MGAT4C: variants seen among roughly 807,000 people sequenced by gnomAD.
MGAT4C encodes the protein alpha-1,3-mannosyl-glycoprotein 4-beta-N-acetylglucosaminyltransferase C.
MGAT4C carries 19 observed loss-of-function variants against 40.1 expected under a neutral mutation model. The ratio of observed to expected loss-of-function variants is 0.47; its 90% confidence interval spans 0.33 to 0.70. The LOEUF is 0.70. MGAT4C is among the 30% of genes least tolerant of loss of function. MGAT4C has a pLI of 0.02. For synonymous variants in MGAT4C, 181 were observed against 187.1 expected (o/e 0.97, Z 0.27); for missense variants, 491 against 563.2 (o/e 0.87, Z 1.30).
intron 3 of MGAT4C, among the ~76,000 whole-genome samples, chr12:86,379,140 TG>T (rs1407119025): frequency 1.3e-5 from 2 of 152,118 alleles, no homozygotes; most frequent in Non-Finnish European, 2.9e-5. Context: ...TTTAAAATAT[TG>T]GTAATACTCA....
chr12:86,136,305 C>A (rs1269374010), intron 1 of MGAT4C, among the ~76,000 whole-genome samples: 1 of 152,042 alleles, frequency 6.6e-6, no homozygotes, highest in Non-Finnish European at 1.5e-5. Flanking sequence ...AGCTCACATT[C>A]TACTGGAAAT....
At chr12:86,321,000 T>A (rs2136161831) in intron 4 of MGAT4C, among the ~76,000 whole-genome samples, 1 of 152,240 alleles carries the variant, frequency 6.6e-6, no homozygotes, top group South Asian at 2.1e-4. Flanking sequence ...ATCAAAAATG[T>A]ACCCTAAAAA....
intron 2 of MGAT4C, among the ~76,000 whole-genome samples, chr12:86,024,118 CT>C (rs1467574971): frequency 6.6e-6 from 1 of 151,200 alleles, no homozygotes; most frequent in Non-Finnish European, 1.5e-5. Flanking sequence ...TTCTTTATAC[CT>C]TTCTATATTT....
intron 2 of MGAT4C, among the ~76,000 whole-genome samples, chr12:86,697,935 CTTCA>C (rs997093403): frequency 1.3e-5 from 2 of 152,020 alleles, no homozygotes; most frequent in Admixed American, 6.6e-5. Context: ...AATAGATCTG[CTTCA>C]TTCTTTTTAA....
At chr12:86,438,872 A>T (rs902717720) in intron 2 of MGAT4C, among the ~76,000 whole-genome samples, 3 of 151,924 alleles carry the variant, frequency 2.0e-5, no homozygotes, top group Admixed American at 6.6e-5. Context: ...AGTAAAAAAA[A>T]TAAAAAGACA....
At chr12:86,778,611 G>T (rs1951782298) in intron 1 of MGAT4C, among the ~76,000 whole-genome samples, 1 of 152,162 alleles carries the variant, frequency 6.6e-6, no homozygotes, top group African/African-American at 2.4e-5. Flanking sequence ...AGCCTTATGT[G>T]ATTTGACTCA....
At chr12:86,024,844 T>C (rs1310688840) in intron 2 of MGAT4C, among the ~76,000 whole-genome samples, 1 of 151,786 alleles carries the variant, frequency 6.6e-6, no homozygotes, top group African/African-American at 2.4e-5. Flanking sequence ...TAAAAATGCA[T>C]TTTAAAGTGT....
At chr12:86,724,488 A>G (rs1249933149) in intron 2 of MGAT4C, among the ~76,000 whole-genome samples, 5 of 152,124 alleles carry the variant, frequency 3.3e-5, no homozygotes, top group Admixed American at 3.3e-4. Flanking sequence ...CTGGCCTACC[A>G]TATTATATGG....
chr12:86,369,675 C>G lies in MGAT4C; in HGVS notation c.-119-35548G>C, dbSNP rs1955680113. 2.0e-5 allele frequency among the ~76,000 whole-genome samples: 3 copies of G among 152,028 alleles called. No individual in the cohort carries two copies. The South Asian group carries it at 6.2e-4, about 32-fold the overall frequency. On this transcript the variant is annotated intron_variant, in intron 3 of 7. Coordinates refer to the MGAT4C transcript ENST00000548651. ...TTTTTTTAATTGTGCAGCCATTAATCATTTTTATGGTTATTGTTATTATCC... is the reference window on the plus strand; with the variant it reads ...TTTTTTTAATTGTGCAGCCATTAATGATTTTTATGGTTATTGTTATTATCC...
chr12:86,627,516 T>C (rs1464654670), intron 2 of MGAT4C, among the ~76,000 whole-genome samples: 2 of 152,164 alleles, frequency 1.3e-5, no homozygotes, highest in African/African-American at 4.8e-5. Context: ...AGATGAAGCA[T>C]CCAGAGGAAG....
intron 1 of MGAT4C, among the ~76,000 whole-genome samples, chr12:86,201,019 C>T (rs1200525046): frequency 2.0e-5 from 3 of 152,264 alleles, no homozygotes; most frequent in East Asian, 3.9e-4. Flanking sequence ...TGACTTCTAA[C>T]CTCCAGAACT....
chr12:86,426,623 G>A (rs186537667), intron 3 of MGAT4C, among the ~76,000 whole-genome samples: 4 of 152,104 alleles, frequency 2.6e-5, no homozygotes, highest in African/African-American at 9.7e-5. Context: ...TCCATTCAGT[G>A]CTATATAAAG....
intron 1 of MGAT4C, among the ~76,000 whole-genome samples, chr12:86,056,820 C>T (rs1273263569): frequency 6.6e-6 from 1 of 152,100 alleles, no homozygotes; most frequent in African/African-American, 2.4e-5. Flanking sequence ...CTGTCTTCCA[C>T]AATGGTTGAA....
At chr12:86,721,754 T>C (rs1950740703) in intron 2 of MGAT4C, among the ~76,000 whole-genome samples, 2 of 152,122 alleles carry the variant, frequency 1.3e-5, no homozygotes, top group African/African-American at 2.4e-5. Context: ...TTATATAACG[T>C]AAGATTGAAC....
chr12:86,313,798 C>A (rs963917680), intron 4 of MGAT4C, among the ~76,000 whole-genome samples: 3 of 152,148 alleles, frequency 2.0e-5, no homozygotes, highest in African/African-American at 7.2e-5. Context: ...GTATTAAATA[C>A]CGAAAGCTTA....
intron 2 of MGAT4C, among the ~76,000 whole-genome samples, chr12:86,578,673 T>C (rs1018318619): frequency 6.6e-6 from 1 of 151,850 alleles, no homozygotes; most frequent in South Asian, 2.1e-4. Flanking sequence ...TAGCCACTAA[T>C]GATACTTTGA....
intron 1 of MGAT4C, among the ~76,000 whole-genome samples, chr12:86,795,366 T>A (rs1290009415): frequency 6.6e-6 from 1 of 151,994 alleles, no homozygotes; most frequent in Admixed American, 6.6e-5. Context: ...TAGCTCTCAA[T>A]GACTTTCCAG....
intron 3 of MGAT4C, among the ~76,000 whole-genome samples, chr12:86,344,631 A>G (rs1954978709): frequency 6.6e-6 from 1 of 151,924 alleles, no homozygotes; most frequent in Admixed American, 6.6e-5. Context: ...GTGTTTAAAG[A>G]TTTGTAAGAT....
chr12:86,792,459 T>C (rs111945770), intron 1 of MGAT4C, among the ~76,000 whole-genome samples: 3,721 of 152,146 alleles, frequency 0.024, 65 homozygotes, highest in African/African-American at 0.056. Context: ...AAGAGAAAAT[T>C]TCCTGGTATA....
Sources: allele counts gnomAD v4.1 joint callset (sites outside exome capture counted in the v4.1 genomes callset), GRCh38; gene constraint gnomAD v4.1.1; transcripts MANE v1.5; gene names NCBI Gene and HGNC (gene_info 2026-07-23, HGNC 2026-07-21).